Variants in BABAM2 observed in about 807,000 individuals in gnomAD.
The protein encoded by BABAM2 is BRISC and BRCA1-A complex member 2.
BABAM2 carries 31 observed loss-of-function variants against 54.7 expected under a neutral mutation model. That is an observed-to-expected ratio of 0.57 (90% CI 0.43 to 0.77). The LOEUF (loss-of-function observed/expected upper bound fraction) is 0.77, where lower values mean the gene tolerates loss of function less well. Ranked by LOEUF, BABAM2 falls within the 30% of genes least tolerant of loss-of-function variation. The pLI is 0.00. For missense variants in BABAM2, 364 were observed against 455.8 expected, an observed-to-expected ratio of 0.80 and a Z score of 1.83; for synonymous variants, 167 against 162.9, an observed-to-expected ratio of 1.03 and a Z score of -0.19.
At chr2:28,249,797 C>T (rs1006877175) in intron 10 of BABAM2, among the ~76,000 whole-genome samples, 1 of 152,036 alleles carries the variant, frequency 6.6e-6, no homozygotes, top group African/African-American at 2.4e-5. Flanking sequence ...AGCGCCATGA[C>T]GCCCAGCTAA....
At chr2:27,945,774 T>C (rs1239881665) in intron 3 of BABAM2, among the ~76,000 whole-genome samples, 1 of 152,062 alleles carries the variant, frequency 6.6e-6, no homozygotes, top group Non-Finnish European at 1.5e-5. Context: ...TATCATACTT[T>C]CTGATGCCAA....
intron 3 of BABAM2, among the ~76,000 whole-genome samples, chr2:27,956,704 A>G (rs998347426): frequency 6.6e-6 from 1 of 152,222 alleles, no homozygotes; most frequent in Non-Finnish European, 1.5e-5. Context: ...CATTAAAGAA[A>G]GTAAAAGATA....
intron 5 of BABAM2, among the ~76,000 whole-genome samples, chr2:28,028,087 C>T (rs1676005475): frequency 6.6e-6 from 1 of 152,092 alleles, no homozygotes; most frequent in Non-Finnish European, 1.5e-5. Context: ...CATCTCAAGG[C>T]TCGACTGGAG....
chr2:27,949,159 A>G (rs900814880), intron 3 of BABAM2, among the ~76,000 whole-genome samples: 1 of 152,210 alleles, frequency 6.6e-6, no homozygotes, highest in Non-Finnish European at 1.5e-5. Context: ...AGGCGAGTAC[A>G]TTGAACTCAA....
In BABAM2 at chr2:28,325,515, C is replaced by T. The variant is rs1006613349; in HGVS notation, c.1089-12935C>T. Among the ~76,000 whole-genome samples the T allele has an allele frequency of 6.6e-6, 1 of 152,232 alleles. No homozygotes were observed. The highest frequency in any genetic ancestry group is 2.4e-5 in the African/African-American group (1 of 41,464). Reference sequence around the variant, plus strand: ...GAGAATTACTCTTGTTACCAAAGGCCATTGTCTCCAGAAGGCCACTGTACC... The same window carrying T: ...GAGAATTACTCTTGTTACCAAAGGCTATTGTCTCCAGAAGGCCACTGTACC... On this transcript the variant is annotated intron_variant, in intron 11 of 11. Transcript: ENST00000379624. The surrounding 1 kb of genome is among the most constrained non-coding windows in gnomAD (Gnocchi z 4.3).
chr2:28,278,619 A>G (rs1686071786), intron 10 of BABAM2, among the ~76,000 whole-genome samples: 1 of 152,234 alleles, frequency 6.6e-6, no homozygotes, highest in African/African-American at 2.4e-5. Flanking sequence ...GTAAGTAGCC[A>G]AAATTGTGAG....
intron 7 of BABAM2, among the ~76,000 whole-genome samples, chr2:28,147,067 CACTA>C (rs1453341779): frequency 2.6e-5 from 4 of 152,150 alleles, no homozygotes; most frequent in Non-Finnish European, 5.9e-5. Context: ...TCTACATAAT[CACTA>C]ACTACTGGCA....
intron 11 of BABAM2, among the ~76,000 whole-genome samples, chr2:28,337,611 C>G (rs1160361171): frequency 6.6e-6 from 1 of 152,248 alleles, no homozygotes; most frequent in African/African-American, 2.4e-5. Flanking sequence ...GAAATGTTCT[C>G]TTAACACCCA....
Position 28,272,651 on chromosome 2 carries a change from G to GT in BABAM2, c.935-25686dup, listed in dbSNP as rs142633324. Among the ~76,000 whole-genome samples, 517 of 152,296 alleles carry GT rather than the reference G, an allele frequency of 3.4e-3. 4 individuals are homozygous for GT. The highest frequency in any genetic ancestry group is 0.012 in the African/African-American group (478 of 41,556). ...GACTGAAGACTCAGCGGGGCTCCAC[G>GT]TAAACCAACAGTTATTGAGCCTGTC... On this transcript the variant is annotated intron_variant, in intron 10 of 11. Transcript: ENST00000379624.
intron 4 of BABAM2, among the ~76,000 whole-genome samples, chr2:28,023,443 GT>G (rs1451992455): frequency 3.3e-5 from 5 of 152,202 alleles, no homozygotes; most frequent in African/African-American, 1.2e-4. Flanking sequence ...ATCATTTTAA[GT>G]TCTATACGGT....
intron 7 of BABAM2, among the ~76,000 whole-genome samples, chr2:28,235,824 T>G (rs4233723): frequency 0.86 from 130,070 of 151,918 alleles, 56,189 homozygotes; most frequent in East Asian, 1. Flanking sequence ...CTGGCTAATT[T>G]TTTAATTTTT....
intron 11 of BABAM2, chr2:28,310,031 G>GA: frequency 4.5e-6 from 7 of 1,553,776 alleles, no homozygotes; most frequent in Non-Finnish European, 6.2e-6. Flanking sequence ...TTGGATCCTT[G>GA]AACCCTTTTG....
chr2:28,040,308 T>TTTTTTTTTTG (rs1676982573), intron 5 of BABAM2, among the ~76,000 whole-genome samples: 1 of 110,698 alleles, frequency 9.0e-6, no homozygotes. Flanking sequence ...TTTTTTTTTT[T>TTTTTTTTTTG]TTTTTTTTTT....
At chr2:28,046,848 C>T (rs72812593) in intron 6 of BABAM2, among the ~76,000 whole-genome samples, 2 of 150,822 alleles carry the variant, frequency 1.3e-5, no homozygotes, top group Non-Finnish European at 2.9e-5. Flanking sequence ...AGTGGTGTGA[C>T]CATAGCTCAC....
chr2:27,950,751 T>G (rs1669651329), intron 3 of BABAM2, among the ~76,000 whole-genome samples: 1 of 152,138 alleles, frequency 6.6e-6, no homozygotes, highest in Non-Finnish European at 1.5e-5. Context: ...TTTGGTAGAA[T>G]TTGCCAGTGA....
At chr2:28,238,757 G>A (rs997447333) in intron 8 of BABAM2, among the ~76,000 whole-genome samples, 2 of 152,052 alleles carry the variant, frequency 1.3e-5, no homozygotes, top group East Asian at 3.9e-4. Flanking sequence ...AGAGAAACAT[G>A]CAAATTTGGT....
chr2:27,984,624 C>CT (rs1672261055), intron 3 of BABAM2, among the ~76,000 whole-genome samples: 1 of 151,466 alleles, frequency 6.6e-6, no homozygotes, highest in South Asian at 2.1e-4. Context: ...ACTTCTTCTT[C>CT]TTTTTTTAAA....
chr2:27,951,214 G>A (rs1506535), intron 3 of BABAM2, among the ~76,000 whole-genome samples: 30,074 of 151,932 alleles, frequency 0.2, 3,987 homozygotes, highest in East Asian at 0.62. Flanking sequence ...TCTTCTTTTC[G>A]TAGTTTATTA....
At chr2:28,311,882 C>T (rs745674481) in intron 11 of BABAM2, among the ~76,000 whole-genome samples, 6 of 152,158 alleles carry the variant, frequency 3.9e-5, no homozygotes, top group African/African-American at 1.4e-4. Context: ...TTGTACAGCT[C>T]GTATCTGATA....
Sources: gnomAD v4.1 joint callset for allele counts (sites outside exome capture counted in the v4.1 genomes callset) on GRCh38, gnomAD v4.1.1 for gene constraint, Gnocchi (gnomAD v3.1) non-coding constraint, MANE v1.5 for transcripts, NCBI Gene and HGNC (gene_info 2026-07-23, HGNC 2026-07-21) for gene names.